The following RORA variants were observed in gnomAD, a reference collection of about 807,000 sequenced individuals.
The protein encoded by RORA is RAR related orphan receptor A, also known as nuclear receptor ROR-alpha.
A neutral mutation model predicts 69.5 loss-of-function variants in RORA; 7 were observed. The observed-to-expected ratio is 0.10, with a 90% CI of 0.06 to 0.19. The LOEUF (loss-of-function observed/expected upper bound fraction) is 0.19. RORA is among the 10% of genes least tolerant of loss of function. The probability of loss-of-function intolerance (pLI) is 1.00; values close to 1 mark genes in which losing one functional copy is unlikely to be tolerated. For missense variants in RORA, 457 were observed against 663.0 expected (o/e 0.69, Z 3.41); for synonymous variants, 261 against 240.8 (o/e 1.08, Z -0.78).
intron 2 of RORA, chr15:60,592,927 G>A: frequency 2.2e-6 from 1 of 455,782 alleles, no homozygotes; most frequent in Non-Finnish European, 4.4e-6. Context: ...CCGCTGGCTT[G>A]CCGGAGCACT....
chr15:60,932,433 T>G (rs1892400804), intron 1 of RORA, among the ~76,000 whole-genome samples: 1 of 152,238 alleles, frequency 6.6e-6, no homozygotes, highest in African/African-American at 2.4e-5. Context: ...GTAAGGAAAC[T>G]GAGATCTCCC....
At chr15:60,601,236 C>T (rs758440553) in intron 2 of RORA, among the ~76,000 whole-genome samples, 16 of 152,178 alleles carry the variant, frequency 1.1e-4, no homozygotes, top group Non-Finnish European at 2.4e-4. Flanking sequence ...ATTCTTTTAT[C>T]ACTGGCTTCT....
chr15:60,687,000 C>G (rs1005256339), intron 1 of RORA: 5 of 152,258 alleles, frequency 3.3e-5, no homozygotes, highest in East Asian at 1.9e-4. Context: ...GCAGCTCCCC[C>G]CAGAACGAAG....
chr15:60,640,026 T>G (rs1295234242), intron 2 of RORA, among the ~76,000 whole-genome samples: 1 of 152,136 alleles, frequency 6.6e-6, no homozygotes, highest in Non-Finnish European at 1.5e-5. Context: ...CAAACAGGCA[T>G]GGGTTGGCAT....
intron 1 of RORA, among the ~76,000 whole-genome samples, chr15:60,883,241 G>A (rs766053298): frequency 5.3e-5 from 8 of 151,246 alleles, no homozygotes; most frequent in Non-Finnish European, 8.8e-5. Flanking sequence ...ATTTATTGCC[G>A]GTGTGAGCAC....
At position 61,213,442 on chromosome 15, in the gene RORA, A is replaced by G. The variant is rs1398361337; in HGVS notation, c.166+15611T>C. 6.6e-6 allele frequency among the ~76,000 whole-genome samples: 1 copy of G among 152,170 alleles called. No homozygotes were observed. Among genetic ancestry groups the G allele is most frequent in the Admixed American group, 6.5e-5 (1 of 15,268 alleles). ...AAATTTTGCTATAAGACAAGGTCCG[A>G]AATGCTTAGGCTCGCCCCTGCCTAC... On this transcript the variant is annotated intron_variant, in intron 1 of 10. Coordinates refer to ENST00000335670, the MANE Select transcript of RORA (RefSeq NM_134261.3). The surrounding 1 kb of genome is among the most constrained non-coding windows in gnomAD (Gnocchi z 4.1).
At chr15:60,880,642 A>C (rs891873810) in intron 1 of RORA, among the ~76,000 whole-genome samples, 8 of 152,182 alleles carry the variant, frequency 5.3e-5, no homozygotes, top group Admixed American at 1.3e-4. Flanking sequence ...TCAAAAAAAA[A>C]CCAATGAATT....
chr15:61,187,669 A>G (rs2079757480), intron 1 of RORA, among the ~76,000 whole-genome samples: 1 of 152,204 alleles, frequency 6.6e-6, no homozygotes, highest in Non-Finnish European at 1.5e-5. Context: ...TGTATTTATA[A>G]GCGTTAAGAC....
At chr15:60,614,227 A>G (rs1189244939) in intron 2 of RORA, among the ~76,000 whole-genome samples, 2 of 152,182 alleles carry the variant, frequency 1.3e-5, no homozygotes, top group African/African-American at 2.4e-5. Context: ...AGTTAAGTAC[A>G]GTTTGGCTTA....
At chr15:61,029,313 A>T in intron 1 of RORA, among the ~76,000 whole-genome samples, 1 of 152,142 alleles carries the variant, frequency 6.6e-6, no homozygotes, top group Admixed American at 6.6e-5. Flanking sequence ...AGACAGAAAA[A>T]AAAGGCCAGG....
rs1396529124 is a variant in RORA at position 60,493,717 on chromosome 15, T to C, written c.*3738A>G. ...TTTCACATTACAAAATCTTTTTTTC[T>C]TTACACAAATCACATTTTATTGCAG... On this transcript the variant is annotated 3_prime_UTR_variant, in exon 11 of 11. Transcript: ENST00000335670. 6.6e-6 allele frequency: 1 copy of C among 152,086 alleles called. No individual in the cohort carries two copies. Among genetic ancestry groups the C allele is most frequent in the East Asian group, 1.9e-4 (1 of 5,202 alleles). The allele number at this position is 152,086 out of a possible 1,614,324, so 9.4% of individuals were successfully genotyped here.
At chr15:61,137,086 A>AGAAAGAAAGAAAGAAG (rs2079251711) in intron 1 of RORA, among the ~76,000 whole-genome samples, 1 of 149,862 alleles carries the variant, frequency 6.7e-6, no homozygotes, top group Non-Finnish European at 1.5e-5. Context: ...AAAGAAAGAA[A>AGAAAGAAAGAAAGAAG]GAAAGAAAGA....
chr15:60,879,717 T>A (rs968098591), intron 1 of RORA, among the ~76,000 whole-genome samples: 9 of 152,176 alleles, frequency 5.9e-5, no homozygotes, highest in Admixed American at 2.0e-4. Flanking sequence ...TCAATGAAAT[T>A]TATGTCTAAC....
At chr15:60,913,512 A>G (rs1247654214) in intron 1 of RORA, among the ~76,000 whole-genome samples, 1 of 152,200 alleles carries the variant, frequency 6.6e-6, no homozygotes. Context: ...CGTGACTGCC[A>G]CGTGACAGGC....
intron 3 of RORA, among the ~76,000 whole-genome samples, chr15:60,516,214 TA>T (rs2065942773): frequency 9.4e-5 from 1 of 10,650 alleles, no homozygotes; most frequent in African/African-American, 2.9e-4. Flanking sequence ...TATATTTATA[TA>T]TATATATTTA....
intron 1 of RORA, among the ~76,000 whole-genome samples, chr15:61,056,474 C>T (rs1323473415): frequency 6.6e-6 from 1 of 152,150 alleles, no homozygotes; most frequent in African/African-American, 2.4e-5. Flanking sequence ...GAAGTCAAAA[C>T]CCAGGATTAT....
chr15:60,596,186 C>G (rs1217536552), intron 2 of RORA, among the ~76,000 whole-genome samples: 3 of 152,082 alleles, frequency 2.0e-5, no homozygotes, highest in African/African-American at 7.2e-5. Flanking sequence ...AATGACAAAC[C>G]AGTGGACTGG....
chr15:61,219,607 G>C (rs191804510), intron 1 of RORA, among the ~76,000 whole-genome samples: 2 of 151,838 alleles, frequency 1.3e-5, no homozygotes, highest in Non-Finnish European at 2.9e-5. Flanking sequence ...CTCATTATTC[G>C]AACTTTGGAG....
At chr15:60,936,029 C>A (rs1281134791) in intron 1 of RORA, among the ~76,000 whole-genome samples, 2 of 152,196 alleles carry the variant, frequency 1.3e-5, no homozygotes, top group African/African-American at 4.8e-5. Flanking sequence ...CCCCATGTGG[C>A]CGGCCCTACA....
Sources: allele counts gnomAD v4.1 joint callset (sites outside exome capture counted in the v4.1 genomes callset), GRCh38; gene constraint gnomAD v4.1.1; non-coding constraint Gnocchi (gnomAD v3.1); transcripts MANE v1.5; gene names NCBI Gene and HGNC (gene_info 2026-07-23, HGNC 2026-07-21).